POF1B: variants seen among roughly 807,000 people sequenced by gnomAD.
The protein encoded by POF1B is POF1B actin binding protein.
Under a neutral mutation model 55.3 loss-of-function variants are expected in POF1B, and 53 were observed. The observed-to-expected ratio is 0.96, with a 90% confidence interval of 0.77 to 1.20. The LOEUF (loss-of-function observed/expected upper bound fraction) is 1.20, where lower values mean the gene tolerates loss of function less well. Ranked by LOEUF, POF1B falls within the 50% of genes most tolerant of loss-of-function variation. The pLI is 0.00. For synonymous variants in POF1B, 188 were observed against 148.3 expected, an observed-to-expected ratio of 1.27 and a Z score of -1.95; for missense variants, 478 against 420.5, an observed-to-expected ratio of 1.14 and a Z score of -1.20.
chrX:85,356,152 CT>C (rs1320053621), intron 4 of POF1B, among the ~76,000 whole-genome samples: 2 of 110,683 alleles, frequency 1.8e-5, no homozygotes. Context: ...AGTTCATGTC[CT>C]TTGTAGGGAC....
chrX:85,307,825 C>T (rs182547297), intron 10 of POF1B, among the ~76,000 whole-genome samples: 8 of 111,622 alleles, frequency 7.2e-5, no homozygotes, highest in Admixed American at 6.7e-4. Context: ...GGGAATTTAC[C>T]TCCAATGAGT....
intron 15 of POF1B, among the ~76,000 whole-genome samples, chrX:85,288,793 C>T (rs760880604): frequency 2.7e-4 from 30 of 111,390 alleles, no homozygotes; most frequent in South Asian, 7.7e-4. Context: ...TTTCACCTCC[C>T]GCCATAATTC....
At chrX:85,280,036 A>G (rs1044087922) in intron 16 of POF1B, among the ~76,000 whole-genome samples, 1 of 111,520 alleles carries the variant, frequency 9.0e-6, no homozygotes, top group Non-Finnish European at 1.9e-5. Context: ...TGACCTAACA[A>G]AAACAACATT....
rs1933385176 is a variant in POF1B at position 85,351,430 on chromosome X, TTA to T, written c.458_459del (p.Leu153GlnfsTer14). 1 of 1,187,839 alleles carries T rather than the reference TTA, an allele frequency of 8.4e-7. No individual in the cohort carries two copies. The highest frequency in any genetic ancestry group is 3.0e-5 in the East Asian group (1 of 33,440). On this transcript the variant is annotated frameshift_variant, in exon 5 of 17. Transcript: ENST00000262753. LOFTEE classifies it high-confidence loss of function. ...NPEQEPLSQF[L>X]RGSHFFPGNN... ...TTTCCTGGGAAGAAATGGCTTCCTC[TTA>T]GGAATTGAGACAGTGGTTCCTAAAA...
chrX:85,375,777 C>A (rs1038148238), intron 2 of POF1B, among the ~76,000 whole-genome samples: 1 of 111,888 alleles, frequency 8.9e-6, no homozygotes, highest in African/African-American at 3.3e-5. Flanking sequence ...TAAGCCCCAG[C>A]TGAATAATTG....
intron 15 of POF1B, among the ~76,000 whole-genome samples, chrX:85,296,143 G>T (rs1932303468): frequency 8.9e-6 from 1 of 111,970 alleles, no homozygotes; most frequent in African/African-American, 3.2e-5. Flanking sequence ...CCTGGGAGAT[G>T]GGTCTCTTGA....
Position 85,326,158 on chromosome X carries a change from G to A in POF1B, c.854+4791C>T, listed in dbSNP as rs771597158. On this transcript the variant is annotated intron_variant, in intron 7 of 16. Coordinates refer to ENST00000262753, the MANE Select transcript of POF1B (RefSeq NM_024921.4). ...GTGTGATCCACCCTCGTTTGCACATGTCAACAGCAGTGGCAGTATGGTGGG... is the reference window on the plus strand; with the variant it reads ...GTGTGATCCACCCTCGTTTGCACATATCAACAGCAGTGGCAGTATGGTGGG... Among the ~76,000 whole-genome samples, 58 of 112,276 alleles carry A rather than the reference G, an allele frequency of 5.2e-4. No homozygotes were observed. In the Middle Eastern group the frequency reaches 0.014, roughly 27 times the overall value.
In POF1B at chrX:85,317,449, CTT is replaced by C. The variant is rs762173069; in HGVS notation, c.855-1717_855-1716del. 2.7e-5 allele frequency among the ~76,000 whole-genome samples: 3 copies of C among 109,576 alleles called. No individual in the cohort carries two copies. The East Asian group carries it at 8.9e-4, about 32-fold the overall frequency. Reference sequence around the variant, plus strand: ...CATACCAGAATCTGTCATTTTTTGACTTTTTAATAACAACCATTCTGACTGGT... The same window carrying C: ...CATACCAGAATCTGTCATTTTTTGACTTTAATAACAACCATTCTGACTGGT... On this transcript the variant is annotated intron_variant, in intron 7 of 16. Transcript: ENST00000262753.
At chrX:85,330,257 T>TA (rs1344455693) in intron 7 of POF1B, among the ~76,000 whole-genome samples, 1 of 110,604 alleles carries the variant, frequency 9.0e-6, no homozygotes, top group Admixed American at 9.8e-5. Context: ...TATAATTTTA[T>TA]ATTGTGTTAT....
At position 85,279,437 on chromosome X, in the gene POF1B, A is replaced by G. The variant is rs1931849367; in HGVS notation, c.1765-11T>C. On this transcript the variant is annotated splice_polypyrimidine_tract_variant and intron_variant, in intron 16 of 16. Transcript: ENST00000262753. ...TGGATCCATTCATGGCTAGAAAAGA[A>G]AAAAAAAGGTTATCTTACAACTGGT... The G allele has an allele frequency of 1.7e-6, 2 of 1,184,151 alleles. No homozygotes were observed. The highest frequency in any genetic ancestry group is 3.0e-5 in the East Asian group (1 of 33,494).
chrX:85,359,712 C>T, intron 3 of POF1B, 82 bp from the exon 4 acceptor site: 1 of 636,061 alleles, frequency 1.6e-6, no homozygotes, highest in Non-Finnish European at 2.4e-6. Context: ...GGAACAATTT[C>T]CAGGGTTAAA....
rs1053933171 is a variant in POF1B at position 85,330,959 on chromosome X, T to G, written c.844A>C (p.Ile282Leu). 8.4e-7 allele frequency: 1 copy of G among 1,189,258 alleles called. No homozygotes were observed. The highest frequency in any genetic ancestry group is 1.1e-6 in the Non-Finnish European group (1 of 884,940). Residue 282 changes from isoleucine to leucine, a missense_variant, in exon 7 of 17, where the codon ATT becomes CTT. Coordinates refer to ENST00000262753, the MANE Select transcript of POF1B (RefSeq NM_024921.4). ...ATATGTTTACAGTACCTTCCTCCAA[T>G]TCTCTGCAAATGTTCTAATAAGCAG... Reference protein sequence around the residue: ...YHCLLEHLQRIGGSKQDFEST... With the variant: ...YHCLLEHLQRLGGSKQDFEST...
chrX:85,347,783 G>A (rs909904626), intron 5 of POF1B, among the ~76,000 whole-genome samples: 2 of 111,059 alleles, frequency 1.8e-5, no homozygotes, highest in African/African-American at 3.3e-5. Context: ...TTTTCAAATA[G>A]CACACTTTGT....
intron 3 of POF1B, among the ~76,000 whole-genome samples, 165 bp downstream of exon 3, chrX:85,367,527 G>A (rs762910732): frequency 2.1e-4 from 24 of 112,281 alleles, no homozygotes; most frequent in Admixed American, 8.5e-4. Context: ...ACTTTTATGG[G>A]CTGAGGTGAT....
intron 6 of POF1B, among the ~76,000 whole-genome samples, chrX:85,342,905 G>C (rs904239000): frequency 3.6e-5 from 4 of 111,060 alleles, no homozygotes; most frequent in African/African-American, 1.3e-4. Flanking sequence ...ACTCTGAGCA[G>C]GAATGGACCC....
chrX:85,311,562 T>C (rs1932697877), intron 9 of POF1B, among the ~76,000 whole-genome samples: 1 of 111,971 alleles, frequency 8.9e-6, no homozygotes, highest in African/African-American at 3.2e-5. Flanking sequence ...CCATGGTGCG[T>C]ATGTCCCACA....
chrX:85,283,678 T>C (rs1488292646), intron 15 of POF1B, among the ~76,000 whole-genome samples: 1 of 109,514 alleles, frequency 9.1e-6, no homozygotes, highest in Non-Finnish European at 1.9e-5. Context: ...TGTAAAGCTA[T>C]AAACACACGT....
intron 15 of POF1B, among the ~76,000 whole-genome samples, chrX:85,298,391 T>C (rs1365229772): frequency 1.8e-5 from 2 of 111,575 alleles, no homozygotes; most frequent in African/African-American, 6.5e-5. Flanking sequence ...AGATCTCTTG[T>C]AGCTAGGATG....
At chrX:85,333,036 A>T (rs1368133605) in intron 6 of POF1B, among the ~76,000 whole-genome samples, 1 of 111,484 alleles carries the variant, frequency 9.0e-6, no homozygotes, top group Non-Finnish European at 1.9e-5. Flanking sequence ...GTCTATATCT[A>T]CATATTCTAT....
Sources: allele counts gnomAD v4.1 joint callset (sites outside exome capture counted in the v4.1 genomes callset), GRCh38; gene constraint gnomAD v4.1.1; transcripts MANE v1.5; gene names NCBI Gene and HGNC (gene_info 2026-07-23, HGNC 2026-07-21).